The following MARCHF1 variants were observed in gnomAD, a reference collection of about 807,000 sequenced individuals.
MARCHF1 encodes E3 ubiquitin-protein ligase MARCHF1.
A neutral mutation model predicts 54.2 loss-of-function variants in MARCHF1; 40 were observed. The observed-to-expected ratio is 0.74, with a 90% confidence interval of 0.57 to 0.96. The LOEUF (loss-of-function observed/expected upper bound fraction) is 0.96, where lower values mean the gene tolerates loss of function less well. MARCHF1 is among the 40% of genes least tolerant of loss of function. MARCHF1 has a pLI of 0.00. For missense variants in MARCHF1, 586 were observed against 656.5 expected, an observed-to-expected ratio of 0.89 and a Z score of 1.17; for synonymous variants, 236 against 236.3, an observed-to-expected ratio of 1.00 and a Z score of 0.01.
intron 3 of MARCHF1, among the ~76,000 whole-genome samples, chr4:163,947,825 T>G (rs2110771841): frequency 6.6e-6 from 1 of 152,330 alleles, no homozygotes; most frequent in East Asian, 1.9e-4. Flanking sequence ...TGAGCTACCT[T>G]TAGTTTATAA....
Position 163,700,101 on chromosome 4 carries a change from A to G in MARCHF1, c.162+712T>C, listed in dbSNP as rs558690820. On this transcript the variant is annotated intron_variant, in intron 5 of 9. Coordinates refer to ENST00000514618, the MANE Select transcript of MARCHF1 (RefSeq NM_001394959.1). ...AGAGTTCAGCCCAAAGTCCAGAAAA[A>G]TTAAATTCATAAGAATTATACCATG... Among the ~76,000 whole-genome samples, 3 of 152,298 alleles carry G rather than the reference A, an allele frequency of 2.0e-5. No individual in the cohort carries two copies. The East Asian group carries it at 5.8e-4, about 29-fold the overall frequency.
At chr4:163,816,593 C>G (rs572917558) in intron 4 of MARCHF1, among the ~76,000 whole-genome samples, 2 of 152,158 alleles carry the variant, frequency 1.3e-5, no homozygotes, top group African/African-American at 4.8e-5. Context: ...TCAGCCAGGA[C>G]TATGCATCAG....
At chr4:164,168,371 A>G (rs763696375) in intron 1 of MARCHF1, among the ~76,000 whole-genome samples, 1 of 152,020 alleles carries the variant, frequency 6.6e-6, no homozygotes, top group Non-Finnish European at 1.5e-5. Flanking sequence ...GCTACCATAC[A>G]ACCCAGTAAT....
chr4:163,928,091 G>A (rs1362515649), intron 3 of MARCHF1, among the ~76,000 whole-genome samples: 2 of 151,738 alleles, frequency 1.3e-5, no homozygotes, highest in Non-Finnish European at 2.9e-5. Context: ...AGATGTTCAA[G>A]CTCTTGAGAA....
At chr4:164,070,798 A>G (rs946922709) in intron 2 of MARCHF1, among the ~76,000 whole-genome samples, 6 of 152,204 alleles carry the variant, frequency 3.9e-5, no homozygotes, top group Admixed American at 1.3e-4. Flanking sequence ...AAAATATTCA[A>G]ATATGTAATT....
At chr4:163,859,657 G>C (rs150891415) in intron 3 of MARCHF1, among the ~76,000 whole-genome samples, 1 of 151,992 alleles carries the variant, frequency 6.6e-6, no homozygotes, top group Admixed American at 6.6e-5. Context: ...CACTGTGCCC[G>C]GGCGAGAAAA....
chr4:163,711,615 A>G (rs899422754), intron 4 of MARCHF1, among the ~76,000 whole-genome samples: 1 of 152,052 alleles, frequency 6.6e-6, no homozygotes, highest in Non-Finnish European at 1.5e-5. Flanking sequence ...ATCACCACAA[A>G]CTGACTTTGC....
intron 2 of MARCHF1, among the ~76,000 whole-genome samples, chr4:164,091,821 A>T (rs1302421044): frequency 6.6e-6 from 1 of 151,708 alleles, no homozygotes; most frequent in Non-Finnish European, 1.5e-5. Context: ...ATCTAAGAAG[A>T]GTAATAATGT....
intron 3 of MARCHF1, among the ~76,000 whole-genome samples, chr4:163,986,349 C>A (rs1752869374): frequency 6.9e-6 from 1 of 144,028 alleles, no homozygotes; most frequent in South Asian, 2.3e-4. Context: ...ACTGCAAGCT[C>A]CGCCTCCCGG....
chr4:163,793,531 T>G (rs1747826983), intron 4 of MARCHF1, among the ~76,000 whole-genome samples: 1 of 152,126 alleles, frequency 6.6e-6, no homozygotes, highest in Non-Finnish European at 1.5e-5. Context: ...TACAAAGTGT[T>G]TGGTCATACT....
chr4:164,177,944 T>C (rs1444297589), intron 1 of MARCHF1, among the ~76,000 whole-genome samples: 2 of 152,120 alleles, frequency 1.3e-5, no homozygotes, highest in Admixed American at 6.5e-5. Context: ...GAGACAGTAA[T>C]TCCACCATCA....
intron 4 of MARCHF1, among the ~76,000 whole-genome samples, chr4:163,784,626 T>C (rs1249595002): frequency 6.6e-6 from 1 of 152,110 alleles, no homozygotes; most frequent in Non-Finnish European, 1.5e-5. Flanking sequence ...CCTATGCCAT[T>C]GACATATATA....
At chr4:163,610,633 G>C (rs1370802303) in intron 7 of MARCHF1, among the ~76,000 whole-genome samples, 2 of 152,086 alleles carry the variant, frequency 1.3e-5, no homozygotes, top group Non-Finnish European at 2.9e-5. Flanking sequence ...ACTAGAAAGA[G>C]TGGTTTAGTC....
At chr4:164,035,769 A>C (rs1487928332) in intron 2 of MARCHF1, among the ~76,000 whole-genome samples, 2 of 151,632 alleles carry the variant, frequency 1.3e-5, no homozygotes, top group Non-Finnish European at 2.9e-5. Flanking sequence ...TAAAAAAAAA[A>C]CTTAAACCAG....
At chr4:163,790,893 G>A (rs1747757654) in intron 4 of MARCHF1, among the ~76,000 whole-genome samples, 1 of 152,086 alleles carries the variant, frequency 6.6e-6, no homozygotes, top group Admixed American at 6.6e-5. Flanking sequence ...ATGTAATTAA[G>A]GGGCAAGTAT....
chr4:163,993,026 A>G (rs774907359), intron 2 of MARCHF1, among the ~76,000 whole-genome samples: 4 of 152,002 alleles, frequency 2.6e-5, no homozygotes, highest in Admixed American at 6.6e-5. Flanking sequence ...CATATGGATA[A>G]GTTATCATGG....
chr4:163,975,252 T>C (rs1403464584), intron 3 of MARCHF1, among the ~76,000 whole-genome samples: 3 of 151,038 alleles, frequency 2.0e-5, no homozygotes, highest in Non-Finnish European at 4.4e-5. Context: ...CTGTTTTTCT[T>C]GACAACTCTG....
chr4:163,755,563 A>G (rs543488210), intron 4 of MARCHF1, among the ~76,000 whole-genome samples: 1 of 152,260 alleles, frequency 6.6e-6, no homozygotes, highest in African/African-American at 2.4e-5. Context: ...GTATGACACT[A>G]ACATTTTGGA....
chr4:163,972,692 G>A (rs979100418), intron 3 of MARCHF1, among the ~76,000 whole-genome samples: 1 of 149,500 alleles, frequency 6.7e-6, no homozygotes, highest in Non-Finnish European at 1.5e-5. Context: ...GACTACAGGC[G>A]CCCGCCACCA....
Sources: gnomAD v4.1 joint callset for allele counts (sites outside exome capture counted in the v4.1 genomes callset) on GRCh38, gnomAD v4.1.1 for gene constraint, MANE v1.5 for transcripts, NCBI Gene and HGNC (gene_info 2026-07-23, HGNC 2026-07-21) for gene names.